Variants in GRID2 observed in about 807,000 individuals in gnomAD.
GRID2 encodes the protein glutamate ionotropic receptor delta type subunit 2.
In GRID2, 33 loss-of-function variants were observed where a neutral mutation model predicts 114.8. The observed-to-expected ratio is 0.29, with a 90% CI of 0.22 to 0.38. The LOEUF is 0.38. GRID2 is among the 10% of genes least tolerant of loss of function. The pLI is 1.00. For missense variants in GRID2, 1,184 were observed against 1,257.7 expected, an observed-to-expected ratio of 0.94 and a Z score of 0.89; for synonymous variants, 505 against 449.9, an observed-to-expected ratio of 1.12 and a Z score of -1.55.
At chr4:93,233,836 G>T (rs991610839) in intron 7 of GRID2, among the ~76,000 whole-genome samples, 8 of 152,218 alleles carry the variant, frequency 5.3e-5, no homozygotes, top group Non-Finnish European at 1.2e-4. Context: ...TATCCTTGAG[G>T]ATATTTACAG....
rs559682888 is a variant in GRID2 at position 92,871,246 on chromosome 4, T to C, written c.245-213749T>C. On this transcript the variant is annotated intron_variant, in intron 2 of 15. Coordinates refer to ENST00000282020, the MANE Select transcript of GRID2 (RefSeq NM_001510.4). ...TTTATAATTGTTAACTATGTTTTATTTACTTTTTTTTTTTAAAAGAACTAA... is the reference window on the plus strand; with the variant it reads ...TTTATAATTGTTAACTATGTTTTATCTACTTTTTTTTTTTAAAAGAACTAA... Among the ~76,000 whole-genome samples, 22 of 152,236 alleles carry C rather than the reference T, an allele frequency of 1.4e-4. No individual in the cohort carries two copies. The South Asian group carries it at 3.7e-3, about 26-fold the overall frequency.
At chr4:93,588,510 T>C (rs542430525) in intron 13 of GRID2, among the ~76,000 whole-genome samples, 2 of 152,278 alleles carry the variant, frequency 1.3e-5, no homozygotes, top group African/African-American at 4.8e-5. Context: ...TACTTTGCAG[T>C]AACTATTCAA....
rs200859675 is a variant in GRID2 at position 93,412,234 on chromosome 4, C to G, written c.1348-10537C>G. On this transcript the variant is annotated intron_variant, in intron 9 of 15. Transcript: ENST00000282020. ...GGGCAGCATAGTAAGACCCATCCCC[C>G]CCCCCCAAAAAAAAATACCAGGCAT... 7.0e-4 allele frequency among the ~76,000 whole-genome samples: 105 copies of G among 150,692 alleles called. 1 individual carries two copies. In the East Asian group the frequency reaches 0.014, roughly 20 times the overall value.
At chr4:93,690,807 C>A (rs745747944) in intron 14 of GRID2, among the ~76,000 whole-genome samples, 1 of 150,712 alleles carries the variant, frequency 6.6e-6, no homozygotes, top group Non-Finnish European at 1.5e-5. Context: ...ATAATCATTC[C>A]AATATAATGA....
chr4:93,331,134 C>CG (rs1553911158), intron 8 of GRID2, among the ~76,000 whole-genome samples: 2 of 147,038 alleles, frequency 1.4e-5, no homozygotes, highest in Admixed American at 6.8e-5. Context: ...TAACCCCCCC[C>CG]CCATTTCACT....
chr4:92,519,577 C>CAT (rs920127839), intron 1 of GRID2, among the ~76,000 whole-genome samples: 55 of 149,764 alleles, frequency 3.7e-4, no homozygotes, highest in African/African-American at 1.2e-3. Context: ...ATAGGATATG[C>CAT]ATATATATAT....
At chr4:92,532,650 C>T (rs192853045) in intron 1 of GRID2, among the ~76,000 whole-genome samples, 35 of 152,008 alleles carry the variant, frequency 2.3e-4, no homozygotes, top group African/African-American at 8.0e-4. Flanking sequence ...CGTTGTCATA[C>T]GAAGAAATGA....
chr4:92,979,308 AT>A (rs1235087148), intron 2 of GRID2, among the ~76,000 whole-genome samples: 2 of 152,030 alleles, frequency 1.3e-5, no homozygotes, highest in Admixed American at 6.6e-5. Context: ...GATACTAGAT[AT>A]TTAAAATCAA....
At chr4:92,494,840 T>C (rs1030672187) in intron 1 of GRID2, among the ~76,000 whole-genome samples, 3 of 152,014 alleles carry the variant, frequency 2.0e-5, no homozygotes, top group Admixed American at 6.6e-5. Flanking sequence ...GTCATTGTGG[T>C]TTTTGCCATT....
chr4:92,396,692 G>A (rs1000857216), intron 1 of GRID2, among the ~76,000 whole-genome samples: 3 of 151,988 alleles, frequency 2.0e-5, no homozygotes, highest in South Asian at 4.1e-4. Context: ...GTCAAAGCAA[G>A]ACAATATCTT....
intron 2 of GRID2, among the ~76,000 whole-genome samples, chr4:92,806,569 A>T (rs1344353683): frequency 6.6e-6 from 1 of 151,806 alleles, no homozygotes; most frequent in East Asian, 1.9e-4. Flanking sequence ...TTTGAAATTT[A>T]TGTTCTGTGC....
intron 1 of GRID2, among the ~76,000 whole-genome samples, chr4:92,505,224 T>C (rs535434789): frequency 1.1e-4 from 16 of 152,134 alleles, no homozygotes; most frequent in African/African-American, 3.9e-4. Flanking sequence ...GCAATCATAA[T>C]GTAAGCCCAC....
In GRID2 at chr4:93,181,467, C is replaced by T. The variant is rs930340864; in HGVS notation, c.736-25937C>T. Among the ~76,000 whole-genome samples the T allele has an allele frequency of 5.1e-4, 77 of 152,168 alleles. 1 individual carries two copies. The highest frequency in any genetic ancestry group is 1.7e-3 in the African/African-American group (72 of 41,528). Reference sequence around the variant, plus strand: ...ACTTAAAGTCATCAGCTATATTAACCCTAACAGGATGGTCAGCCGTCCTTC... The same window carrying T: ...ACTTAAAGTCATCAGCTATATTAACTCTAACAGGATGGTCAGCCGTCCTTC... On this transcript the variant is annotated intron_variant, in intron 4 of 15. Transcript: ENST00000282020.
Position 93,388,618 on chromosome 4 carries a change from G to C in GRID2, c.1246-6989G>C, listed in dbSNP as rs756844733. Among the ~76,000 whole-genome samples the C allele has an allele frequency of 2.6e-5, 4 of 152,114 alleles. No homozygotes were observed. In the East Asian group the frequency reaches 7.7e-4, roughly 29 times the overall value. On this transcript the variant is annotated intron_variant, in intron 8 of 15. Transcript: ENST00000282020. Reference sequence around the variant, plus strand: ...TAACAAATCATGCAAATTCTGGTAGGCCACATCCAAAGTTTGGCCTTTATC... The same window carrying C: ...TAACAAATCATGCAAATTCTGGTAGCCCACATCCAAAGTTTGGCCTTTATC...
At chr4:93,112,252 A>G (rs116569059) in intron 4 of GRID2, 1 of 152,210 alleles carries the variant, frequency 6.6e-6, no homozygotes, top group Non-Finnish European at 1.5e-5. Flanking sequence ...GGTATATTTG[A>G]ACTGGACTTC....
At chr4:93,104,309 A>C (rs1489841527) in intron 3 of GRID2, among the ~76,000 whole-genome samples, 2 of 152,062 alleles carry the variant, frequency 1.3e-5, no homozygotes, top group Non-Finnish European at 2.9e-5. Context: ...AGTATTTTTT[A>C]TTTTATTATG....
intron 2 of GRID2, among the ~76,000 whole-genome samples, chr4:92,837,077 A>G (rs1742511715): frequency 6.6e-6 from 1 of 152,074 alleles, no homozygotes; most frequent in Non-Finnish European, 1.5e-5. Context: ...GCTTCAGTCG[A>G]GGAGATGGGA....
chr4:93,059,405 A>G (rs1190926511), intron 2 of GRID2, among the ~76,000 whole-genome samples: 2 of 152,090 alleles, frequency 1.3e-5, no homozygotes, highest in African/African-American at 2.4e-5. Flanking sequence ...TGGGCATCCT[A>G]TGCATTGTAA....
intron 1 of GRID2, among the ~76,000 whole-genome samples, chr4:92,407,509 C>G (rs1442702461): frequency 6.6e-6 from 1 of 152,130 alleles, no homozygotes; most frequent in East Asian, 1.9e-4. Flanking sequence ...AATCTCCAAA[C>G]TGCTTTTCAC....
Sources: gnomAD v4.1 joint callset for allele counts (sites outside exome capture counted in the v4.1 genomes callset) on GRCh38, gnomAD v4.1.1 for gene constraint, MANE v1.5 for transcripts, NCBI Gene and HGNC (gene_info 2026-07-23, HGNC 2026-07-21) for gene names.